FBXW8: variants seen among roughly 807,000 people sequenced by gnomAD.
The protein encoded by FBXW8 is F-box/WD repeat-containing protein 8.
FBXW8 carries 57 observed loss-of-function variants against 65.3 expected under a neutral mutation model. The ratio of observed to expected loss-of-function variants is 0.87; its 90% CI spans 0.71 to 1.09. The LOEUF (loss-of-function observed/expected upper bound fraction) is 1.09. Ranked by LOEUF, FBXW8 falls within the 50% of genes least tolerant of loss-of-function variation. The pLI, the probability that FBXW8 is intolerant of heterozygous loss-of-function variation, is 0.00. For missense variants in FBXW8, 777 were observed against 814.8 expected (o/e 0.95, Z 0.57); for synonymous variants, 308 against 330.2 (o/e 0.93, Z 0.73).
chr12:116,937,234 G>A (rs1246884175), intron 2 of FBXW8, among the ~76,000 whole-genome samples: 1 of 152,192 alleles, frequency 6.6e-6, no homozygotes, highest in Non-Finnish European at 1.5e-5. Flanking sequence ...TCACTCATTG[G>A]TTGTGAGGTT....
At position 116,964,720 on chromosome 12, in the gene FBXW8, T is replaced by C. The variant is rs1196040033; in HGVS notation, c.701T>C (p.Val234Ala). The C allele has an allele frequency of 6.2e-7, 1 of 1,613,662 alleles. No homozygotes were observed. The highest frequency in any genetic ancestry group is 8.5e-7 in the Non-Finnish European group (1 of 1,180,004). Reference protein sequence around the residue: ...IAGYTSGDVRVWDTRTWDYVA... With the variant: ...IAGYTSGDVRAWDTRTWDYVA... ...AGATATACATCAGGGGATGTGAGAG[T>C]GTGGGACACCCGCACCTGGGACTAC... Residue 234 changes from valine (V) to alanine (A), a missense_variant, in exon 5 of 11, where the codon GTG becomes GCG. Val to Ala is a moderately conservative substitution (Grantham distance 64, BLOSUM62 0). Transcript: ENST00000652555.
intron 8 of FBXW8, among the ~76,000 whole-genome samples, chr12:117,023,279 C>A (rs181361906): frequency 6.6e-6 from 1 of 152,170 alleles, no homozygotes; most frequent in South Asian, 2.1e-4. Flanking sequence ...TTGTGCTTGT[C>A]CTGTTCCTTG....
At chr12:116,982,623 A>AT (rs11288865) in intron 5 of FBXW8, among the ~76,000 whole-genome samples, 35,528 of 143,360 alleles carry the variant, frequency 0.25, 7,109 homozygotes, top group African/African-American at 0.56. Context: ...GGAGCCCTGG[A>AT]TTTTTTTTTT....
At chr12:116,924,160 ATGTTTTTAAGTCAGT>A (rs1384522244) in intron 1 of FBXW8, among the ~76,000 whole-genome samples, 6 of 22,680 alleles carry the variant, frequency 2.6e-4, no homozygotes. Context: ...GTCCATTTTC[ATGTTTTTAAGTCAGT>A]GTTGTCCATT....
intron 7 of FBXW8, among the ~76,000 whole-genome samples, chr12:117,008,724 G>A (rs1953734355): frequency 6.6e-6 from 1 of 152,218 alleles, no homozygotes; most frequent in Non-Finnish European, 1.5e-5. Flanking sequence ...AGTGATAAAT[G>A]TATAGGCTGA....
rs71443002 is a variant in FBXW8, at chr12:116,916,889, CGT to C, written c.318+5556_318+5557del. On this transcript the variant is annotated intron_variant, in intron 1 of 10. Coordinates refer to ENST00000652555, the MANE Select transcript of FBXW8 (RefSeq NM_153348.3). ...TGCTTCTAGGGGTTGGCTAATTGTGCGTGTGTGTGTGTGTGTGTGTGTGAGAG... is the reference window on the plus strand; with the variant it reads ...TGCTTCTAGGGGTTGGCTAATTGTGCGTGTGTGTGTGTGTGTGTGTGAGAG... Among the ~76,000 whole-genome samples the C allele has an allele frequency of 4.6e-3, 671 of 146,358 alleles. 7 individuals carry two copies. The highest frequency in any genetic ancestry group is 0.016 in the African/African-American group (627 of 39,972).
chr12:117,013,153 A>G (rs1953866885), intron 8 of FBXW8, among the ~76,000 whole-genome samples: 1 of 152,160 alleles, frequency 6.6e-6, no homozygotes. Context: ...GAGGCAGGAG[A>G]ATCGCTTGAA....
At chr12:116,997,813 G>C (rs1365528272) in intron 7 of FBXW8, among the ~76,000 whole-genome samples, 5 of 152,084 alleles carry the variant, frequency 3.3e-5, no homozygotes, top group African/African-American at 1.2e-4. Flanking sequence ...TGTTTTTGTT[G>C]TTGTTGTTTT....
intron 1 of FBXW8, among the ~76,000 whole-genome samples, chr12:116,913,871 G>A (rs1004351718): frequency 6.6e-6 from 1 of 152,140 alleles, no homozygotes; most frequent in African/African-American, 2.4e-5. Flanking sequence ...CTGTCTTCCT[G>A]GAATTCATTT....
At chr12:116,994,649 G>A (rs1953334812) in intron 7 of FBXW8, among the ~76,000 whole-genome samples, 1 of 152,314 alleles carries the variant, frequency 6.6e-6, no homozygotes, top group South Asian at 2.1e-4. Flanking sequence ...TCTGCAGCTT[G>A]CTTTTTCCTG....
intron 4 of FBXW8, among the ~76,000 whole-genome samples, chr12:116,960,675 C>T (rs1461024554): frequency 6.6e-6 from 1 of 152,106 alleles, no homozygotes; most frequent in Non-Finnish European, 1.5e-5. Context: ...AAAGAGGTAC[C>T]CCTCAAGCCA....
intron 5 of FBXW8, among the ~76,000 whole-genome samples, chr12:116,967,052 CAAAG>C (rs1045833792): frequency 4.0e-5 from 6 of 151,428 alleles, no homozygotes; most frequent in African/African-American, 1.2e-4. Flanking sequence ...TATAAAATGA[CAAAG>C]AAAAAGTATG....
intron 2 of FBXW8, among the ~76,000 whole-genome samples, chr12:116,931,385 A>T (rs1212335981): frequency 6.6e-6 from 1 of 151,824 alleles, no homozygotes; most frequent in African/African-American, 2.4e-5. Context: ...GTTTTTATGC[A>T]AATTTTATCT....
At chr12:117,027,868 C>T (rs759125100) in intron 10 of FBXW8, among the ~76,000 whole-genome samples, 160 bp from the exon 11 acceptor site, 13 of 152,206 alleles carry the variant, frequency 8.5e-5, no homozygotes, top group African/African-American at 1.7e-4. Context: ...ACCGCTAAGC[C>T]GGGGACTGTG....
At chr12:116,927,068 A>G (rs1195546225) in intron 1 of FBXW8, among the ~76,000 whole-genome samples, 1 of 152,218 alleles carries the variant, frequency 6.6e-6, no homozygotes, top group Non-Finnish European at 1.5e-5. Flanking sequence ...AATGGATTTT[A>G]TTAAGCGAGT....
chr12:117,011,268 C>G (rs1029920411), intron 8 of FBXW8, among the ~76,000 whole-genome samples: 1 of 151,888 alleles, frequency 6.6e-6, no homozygotes, highest in African/African-American at 2.4e-5. Flanking sequence ...TGCTCGGAGG[C>G]GGGTGTCAGA....
chr12:116,945,738 C>T (rs149556920), intron 3 of FBXW8, among the ~76,000 whole-genome samples: 1 of 152,308 alleles, frequency 6.6e-6, no homozygotes, highest in East Asian at 1.9e-4. Flanking sequence ...TGGGAACATC[C>T]TCTTATTCTG....
At position 116,985,387 on chromosome 12, in the gene FBXW8, T is replaced by C. The variant is rs1314032263; in HGVS notation, c.1017T>C (p.Phe339=). ...EEGYWQIAAE[F]EVPKLVQYLE... is the part of the protein sequence containing the mutation. The stretch of plus-strand genomic sequence containing the variant: ...GGTACTGGCAGATAGCTGCGGAATT[T>C]GAAGTTCCGAAACTGGTGAGCTTTT... The change falls in exon 6 of 11, where the codon TTT becomes TTC. Residue 339 remains phenylalanine (F), a synonymous_variant. Transcript: ENST00000652555. 6.2e-7 allele frequency: 1 copy of C among 1,610,554 alleles called. No individual in the cohort carries two copies. The highest frequency in any genetic ancestry group is 1.7e-5 in the Admixed American group (1 of 58,882).
At chr12:116,966,050 A>G (rs1884304456) in intron 5 of FBXW8, among the ~76,000 whole-genome samples, 1 of 151,838 alleles carries the variant, frequency 6.6e-6, no homozygotes, top group Non-Finnish European at 1.5e-5. Context: ...GGCATAAGCC[A>G]CTGCACCTGG....
Sources: allele counts gnomAD v4.1 joint callset (sites outside exome capture counted in the v4.1 genomes callset), GRCh38; gene constraint gnomAD v4.1.1; transcripts MANE v1.5; gene names NCBI Gene and HGNC (gene_info 2026-07-23, HGNC 2026-07-21).